OPRM1: variants seen among roughly 807,000 people sequenced by gnomAD.
The protein encoded by OPRM1 is mu-type opioid receptor.
OPRM1 carries 27 observed loss-of-function variants against 31.8 expected under a neutral mutation model. The ratio of observed to expected loss-of-function variants is 0.85; its 90% CI spans 0.63 to 1.17. OPRM1 has a LOEUF of 1.17. OPRM1 is among the 50% of genes most tolerant of loss of function. OPRM1 has a pLI of 0.00. For synonymous variants in OPRM1, 196 were observed against 189.9 expected (o/e 1.03, Z -0.26); for missense variants, 536 against 511.1 (o/e 1.05, Z -0.47).
chr6:154,170,127 T>G (rs531360768), intron 3 of OPRM1, among the ~76,000 whole-genome samples: 1 of 152,322 alleles, frequency 6.6e-6, no homozygotes, highest in African/African-American at 2.4e-5. Context: ...AAGAAAATCT[T>G]CATCCTTTGA....
Position 154,109,700 on chromosome 6 carries a change from T to G in OPRM1, c.1165-8983T>G, listed in dbSNP as rs866105175. 3.4e-4 allele frequency among the ~76,000 whole-genome samples: 52 copies of G among 152,042 alleles called. 1 individual carries two copies. The highest frequency in any genetic ancestry group is 1.9e-3 in the Admixed American group (29 of 15,256). ...GTGTTAGGAAATGTGGCCTACCTTATTTTGGTCATGGGGACTGATAATATG... is the reference window on the plus strand; with the variant it reads ...GTGTTAGGAAATGTGGCCTACCTTAGTTTGGTCATGGGGACTGATAATATG... On this transcript the variant is annotated intron_variant, in intron 3 of 3. Transcript: ENST00000330432.
chr6:154,177,692 G>A (rs1800460608), intron 3 of OPRM1, among the ~76,000 whole-genome samples: 2 of 152,212 alleles, frequency 1.3e-5, no homozygotes, highest in African/African-American at 4.8e-5. Context: ...CTGTTGGTGG[G>A]AGTGTAAATT....
At chr6:154,209,165 T>A (rs1583803776) in intron 3 of OPRM1, among the ~76,000 whole-genome samples, 1 of 152,238 alleles carries the variant, frequency 6.6e-6, no homozygotes, top group Non-Finnish European at 1.5e-5. Context: ...GATTTTAAAT[T>A]TTTTTGAATT....
At chr6:154,026,312 G>C (rs1413583970) in intron 1 of OPRM1, among the ~76,000 whole-genome samples, 1 of 151,908 alleles carries the variant, frequency 6.6e-6, no homozygotes, top group Non-Finnish European at 1.5e-5. Context: ...AGACATATTA[G>C]AGCTAAATTG....
At position 154,010,788 on chromosome 6, in the gene OPRM1, G is replaced by A; in HGVS notation, c.-231G>A. 3 of 1,408,154 alleles carry A rather than the reference G, an allele frequency of 2.1e-6. No individual in the cohort carries two copies. The South Asian group carries it at 4.6e-5, about 21-fold the overall frequency. 87.2% of individuals were successfully genotyped at this position (1,408,154 alleles called of 1,614,324 possible). A position where few individuals can be genotyped will look rare whatever the true frequency, so the allele number is the denominator to read the frequency against. ...AAGAGAATTCGGTCAAGTGGATGTG[G>A]CAGAACTGGGCTGCTCTGAGATGAT... On this transcript the variant is annotated 5_prime_UTR_variant, in exon 1 of 6. Coordinates refer to the OPRM1 transcript ENST00000434900.
intron 3 of OPRM1, among the ~76,000 whole-genome samples, chr6:154,218,126 G>C (rs1220430717): frequency 6.6e-6 from 1 of 152,152 alleles, no homozygotes; most frequent in East Asian, 1.9e-4. Context: ...ACATCTATCT[G>C]TGGCTAAGTA....
At chr6:154,069,766 TC>T (rs1786253161) in intron 1 of OPRM1, among the ~76,000 whole-genome samples, 1 of 152,200 alleles carries the variant, frequency 6.6e-6, no homozygotes, top group Non-Finnish European at 1.5e-5. Flanking sequence ...GACTTCCCTT[TC>T]CCCATTGTGT....
intron 3 of OPRM1, among the ~76,000 whole-genome samples, chr6:154,092,718 A>T (rs1342851834): frequency 6.6e-6 from 1 of 152,214 alleles, no homozygotes; most frequent in Non-Finnish European, 1.5e-5. Context: ...CCAGAGGACT[A>T]ATGTAATATG....
At chr6:154,035,271 A>G (rs1322202855), upstream of OPRM1, among the ~76,000 whole-genome samples, 1 of 151,968 alleles carries the variant, frequency 6.6e-6, no homozygotes, top group Admixed American at 6.6e-5. Context: ...TTTTAGGTTT[A>G]TTGGGTAGAA....
chr6:154,037,474 T>C (rs1276344988), upstream of OPRM1, among the ~76,000 whole-genome samples: 4 of 152,096 alleles, frequency 2.6e-5, no homozygotes, highest in Non-Finnish European at 5.9e-5. Context: ...TAGGTCATTA[T>C]TTTTAACACT....
At chr6:154,032,283 T>C (rs1232526879) in intron 1 of OPRM1, among the ~76,000 whole-genome samples, 2 of 152,156 alleles carry the variant, frequency 1.3e-5, no homozygotes, top group Non-Finnish European at 2.9e-5. Context: ...TTAACACCCA[T>C]AAAAGTCTTA....
intron 1 of OPRM1, among the ~76,000 whole-genome samples, chr6:154,075,477 G>T (rs1265430692): frequency 1.4e-5 from 2 of 147,210 alleles, no homozygotes; most frequent in Non-Finnish European, 3.0e-5. Flanking sequence ...TTTCCAGACG[G>T]AATTTCACTC....
intron 1 of OPRM1, among the ~76,000 whole-genome samples, chr6:154,064,553 A>C (rs1784999202): frequency 6.6e-6 from 1 of 152,198 alleles, no homozygotes; most frequent in Non-Finnish European, 1.5e-5. Flanking sequence ...ATATCCAAGA[A>C]ATCTTTGTGA....
At position 154,114,350 on chromosome 6, in the gene OPRM1, A is replaced by T. The variant is rs540844444; in HGVS notation, c.1165-4333A>T. ...TATCAGAATTAAGAGCCTTTCTGGGACTTCATGTGATTTAGCATTGGCTAA... is the reference window on the plus strand; with the variant it reads ...TATCAGAATTAAGAGCCTTTCTGGGTCTTCATGTGATTTAGCATTGGCTAA... On this transcript the variant is annotated intron_variant, in intron 3 of 3. Coordinates refer to ENST00000330432, the MANE Select transcript of OPRM1 (RefSeq NM_000914.5). Among the ~76,000 whole-genome samples the T allele has an allele frequency of 1.1e-4, 16 of 152,240 alleles. No individual in the cohort carries two copies. The East Asian group carries it at 3.1e-3, about 29-fold the overall frequency.
chr6:154,244,455 C>A lies in OPRM1; in HGVS notation c.1165-2238C>A, dbSNP rs77805524. Among the ~76,000 whole-genome samples the A allele has an allele frequency of 5.7e-3, 875 of 152,236 alleles. 9 individuals carry two copies. The highest frequency in any genetic ancestry group is 0.02 in the African/African-American group (839 of 41,542). On this transcript the variant is annotated intron_variant, in intron 3 of 3. Transcript: ENST00000337049. ...GATAGCGGCAAGCTTATTCTCCATTCAATGCTGCTAATCTAACTGTATTCA... is the reference window on the plus strand; with the variant it reads ...GATAGCGGCAAGCTTATTCTCCATTAAATGCTGCTAATCTAACTGTATTCA...
upstream of OPRM1, chr6:154,039,197 TA>T: frequency 6.4e-7 from 1 of 1,551,728 alleles, no homozygotes; most frequent in Non-Finnish European, 8.7e-7. Context: ...TGAAGAGACC[TA>T]CTCCTTGGAT....
At chr6:154,077,323 C>T (rs562016172) in intron 1 of OPRM1, among the ~76,000 whole-genome samples, 4 of 151,936 alleles carry the variant, frequency 2.6e-5, no homozygotes, top group African/African-American at 7.2e-5. Context: ...TCACCATGCT[C>T]GCCAGGCTGG....
At chr6:154,210,146 G>A (rs192382477) in intron 3 of OPRM1, among the ~76,000 whole-genome samples, 11 of 152,200 alleles carry the variant, frequency 7.2e-5, no homozygotes, top group Non-Finnish European at 1.5e-5. Context: ...ATTTCACCAG[G>A]GAGAGTTCTA....
intron 1 of OPRM1, among the ~76,000 whole-genome samples, chr6:154,051,543 A>T (rs1782198691): frequency 2.0e-5 from 3 of 152,244 alleles, no homozygotes; most frequent in Admixed American, 2.0e-4. Context: ...TAAGAGTTAC[A>T]AAGTATTTAT....
Sources: gnomAD v4.1 joint callset for allele counts (sites outside exome capture counted in the v4.1 genomes callset) on GRCh38, gnomAD v4.1.1 for gene constraint, MANE v1.5 for transcripts, NCBI Gene and HGNC (gene_info 2026-07-23, HGNC 2026-07-21) for gene names.